RALGAPB: variants seen among roughly 807,000 people sequenced by gnomAD.
RALGAPB encodes the protein ral GTPase-activating protein subunit beta.
A neutral mutation model predicts 161.1 loss-of-function variants in RALGAPB; 25 were observed. That is an observed-to-expected ratio of 0.16 (90% CI 0.11 to 0.22). The LOEUF (loss-of-function observed/expected upper bound fraction) is 0.22. Among genes scored for constraint, RALGAPB ranks in the 10% least tolerant of loss-of-function variants. RALGAPB has a pLI of 1.00. For synonymous variants in RALGAPB, 629 were observed against 626.1 expected (o/e 1.00, Z -0.07); for missense variants, 1,391 against 1,815.2 (o/e 0.77, Z 4.25).
intron 7 of RALGAPB, chr20:38,516,780 A>G (rs2086138151): frequency 6.3e-6 from 1 of 158,144 alleles, no homozygotes; most frequent in Admixed American, 6.5e-5. Flanking sequence ...ATTTGGGACC[A>G]TTCTCATGTA....
At chr20:38,492,817 C>T (rs1432578181) in intron 2 of RALGAPB, 113 bp from the exon 3 acceptor site, 9 of 803,428 alleles carry the variant, frequency 1.1e-5, no homozygotes, top group South Asian at 3.5e-5. Context: ...TACGTTGAGA[C>T]GAATATACTG....
At chr20:38,568,692 C>T (rs1056346122) in intron 26 of RALGAPB, 1 of 152,136 alleles carries the variant, frequency 6.6e-6, no homozygotes, top group Non-Finnish European at 1.5e-5. Flanking sequence ...AGCAAGATTG[C>T]AGGAAAAACG....
At chr20:38,570,740 T>C (rs2088200852) in intron 27 of RALGAPB, 29 bp from the exon 28 acceptor site, 1 of 1,390,928 alleles carries the variant, frequency 7.2e-7, no homozygotes, top group Non-Finnish European at 1.0e-6. Flanking sequence ...GAGGGAGATA[T>C]TAATTGTAAT....
chr20:38,545,600 C>G (rs1247914952), intron 18 of RALGAPB, among the ~76,000 whole-genome samples: 1 of 152,186 alleles, frequency 6.6e-6, no homozygotes, highest in Non-Finnish European at 1.5e-5. Flanking sequence ...ACCTAAAGCT[C>G]TCTAACAATG....
At chr20:38,480,589 G>A (rs2084938118) in intron 1 of RALGAPB, among the ~76,000 whole-genome samples, 6 of 151,362 alleles carry the variant, frequency 4.0e-5, no homozygotes, top group Admixed American at 3.3e-4. Flanking sequence ...GTTTCACCAT[G>A]TTGGTCAGCC....
chr20:38,484,500 G>T (rs2085061926), intron 1 of RALGAPB, among the ~76,000 whole-genome samples: 1 of 152,152 alleles, frequency 6.6e-6, no homozygotes, highest in Admixed American at 6.5e-5. Flanking sequence ...GCATAAATTG[G>T]ACCATAGATA....
intron 9 of RALGAPB, chr20:38,520,166 T>C (rs2086246482): frequency 2.3e-6 from 1 of 433,710 alleles, no homozygotes; most frequent in African/African-American, 2.1e-5. Context: ...ATTGTAAAAT[T>C]TCACCATCTT....
intron 16 of RALGAPB, 140 bp from the exon 17 acceptor site, chr20:38,539,635 CT>C (rs1416818047): frequency 3.0e-6 from 2 of 668,118 alleles, no homozygotes; most frequent in Non-Finnish European, 4.8e-6. Flanking sequence ...TAATCTGTTC[CT>C]GTATATAAAT....
At chr20:38,516,995 T>G (rs1233155721) in intron 7 of RALGAPB, among the ~76,000 whole-genome samples, 1 of 152,230 alleles carries the variant, frequency 6.6e-6, no homozygotes, top group Non-Finnish European at 1.5e-5. Context: ...CCAAAAATCC[T>G]ATTGTAAACA....
chr20:38,528,729 A>G (rs943082099), intron 13 of RALGAPB, among the ~76,000 whole-genome samples: 7 of 151,384 alleles, frequency 4.6e-5, no homozygotes, highest in Non-Finnish European at 8.8e-5. Context: ...CACCCAGGCT[A>G]GAGGGCAGTG....
intron 5 of RALGAPB, among the ~76,000 whole-genome samples, chr20:38,504,624 C>G (rs1045481261): frequency 2.0e-5 from 3 of 152,114 alleles, no homozygotes; most frequent in Non-Finnish European, 2.9e-5. Flanking sequence ...AAGAAACTAT[C>G]AACAGAGTAA....
Position 38,483,780 on chromosome 20 carries a change from G to GGCAGATTCTT in RALGAPB, c.-30-4621_-30-4620insAGATTCTTGC, listed in dbSNP as rs547138225. On this transcript the variant is annotated intron_variant, in intron 1 of 29. Coordinates refer to ENST00000262879, the MANE Select transcript of RALGAPB (RefSeq NM_020336.4). ...TGAGAGGTTGATTCTTGCCTAGGAG[G>GGCAGATTCTT]GCCTAGGTGGTGCAGCAGTACTGGC... Among the ~76,000 whole-genome samples the GGCAGATTCTT allele has an allele frequency of 1.1e-4, 17 of 152,256 alleles. No individual in the cohort carries two copies. The East Asian group carries it at 2.7e-3, about 24-fold the overall frequency.
intron 1 of RALGAPB, among the ~76,000 whole-genome samples, chr20:38,477,909 C>T (rs1282075355): frequency 6.6e-6 from 1 of 152,114 alleles, no homozygotes; most frequent in Non-Finnish European, 1.5e-5. Flanking sequence ...ATTGCTTGAG[C>T]CCAGGAGTTT....
In RALGAPB at chr20:38,548,786, A is replaced by G. The variant is rs1456458608; in HGVS notation, c.3000A>G (p.Ala1000=). ...QLCLLPRGAK[A]NQKLFVPEPR... Reference sequence around the variant, plus strand: ...GTCTTTTACCCAGAGGAGCAAAAGCAAATCAGAAGGTATTCATCAGAAGTT... The same window carrying G: ...GTCTTTTACCCAGAGGAGCAAAAGCGAATCAGAAGGTATTCATCAGAAGTT... Residue 1000 remains alanine (A), a synonymous_variant, in exon 20 of 30, where the codon GCA becomes GCG. Coordinates refer to ENST00000262879, the MANE Select transcript of RALGAPB (RefSeq NM_020336.4). 6.2e-7 allele frequency: 1 copy of G among 1,609,586 alleles called. No individual in the cohort carries two copies. Among genetic ancestry groups the G allele is most frequent in the Non-Finnish European group, 8.5e-7 (1 of 1,175,896 alleles).
At position 38,493,138 on chromosome 20, in the gene RALGAPB, C is replaced by G. The variant is rs760643681; in HGVS notation, c.389+6C>G. On this transcript the variant is annotated splice_donor_region_variant and intron_variant, in intron 3 of 29. Transcript: ENST00000262879. Reference sequence around the variant, plus strand: ...CAGAATCTTTTTGTACCAAGGTAAGCTATACCTGTCTATCTGGCCCATTAT... The same window carrying G: ...CAGAATCTTTTTGTACCAAGGTAAGGTATACCTGTCTATCTGGCCCATTAT... 6 of 1,573,634 alleles carry G rather than the reference C, an allele frequency of 3.8e-6. No homozygotes were observed. The Admixed American group carries it at 1.0e-4, about 26-fold the overall frequency.
chr20:38,496,768 T>G lies in RALGAPB; in HGVS notation c.390-585T>G, dbSNP rs184558265. Among the ~76,000 whole-genome samples the G allele has an allele frequency of 3.3e-5, 5 of 152,286 alleles. No individual in the cohort carries two copies. The East Asian group carries it at 7.7e-4, about 23-fold the overall frequency. On this transcript the variant is annotated intron_variant, in intron 3 of 29. Transcript: ENST00000262879. Reference sequence around the variant, plus strand: ...TTGGCTAAGTGTCTTTTTCTAAAATTAGAGCAGCAGTAGCAGGTATTTATT... The same window carrying G: ...TTGGCTAAGTGTCTTTTTCTAAAATGAGAGCAGCAGTAGCAGGTATTTATT...
At chr20:38,501,751 A>G (rs1281558654) in intron 5 of RALGAPB, among the ~76,000 whole-genome samples, 1 of 152,188 alleles carries the variant, frequency 6.6e-6, no homozygotes, top group East Asian at 1.9e-4. Context: ...AACAACATGT[A>G]TTTGAACTGT....
intron 13 of RALGAPB, among the ~76,000 whole-genome samples, chr20:38,529,098 CAT>C (rs2086567234): frequency 6.6e-6 from 1 of 152,146 alleles, no homozygotes; most frequent in African/African-American, 2.4e-5. Context: ...TTGAGATCCA[CAT>C]ATAACTTTTT....
chr20:38,556,506 C>CA (rs1416700924), intron 22 of RALGAPB, among the ~76,000 whole-genome samples: 3 of 151,704 alleles, frequency 2.0e-5, no homozygotes, highest in South Asian at 2.1e-4. Flanking sequence ...GGTTGCCATA[C>CA]AAAAAAGTAC....
Sources: allele counts gnomAD v4.1 joint callset (sites outside exome capture counted in the v4.1 genomes callset), GRCh38; gene constraint gnomAD v4.1.1; transcripts MANE v1.5; gene names NCBI Gene and HGNC (gene_info 2026-07-23, HGNC 2026-07-21).